The following ATRN variants were observed in gnomAD, a reference collection of about 807,000 sequenced individuals.
ATRN encodes the protein attractin, also known as attractin-2.
In ATRN, 54 loss-of-function variants were observed where a neutral mutation model predicts 178.7. That is an observed-to-expected ratio of 0.30 (90% CI 0.24 to 0.38). The LOEUF (loss-of-function observed/expected upper bound fraction) is 0.38. Ranked by LOEUF, ATRN falls within the 10% of genes least tolerant of loss-of-function variation. The probability of loss-of-function intolerance (pLI) is 1.00; values close to 1 mark genes in which losing one functional copy is unlikely to be tolerated. For synonymous variants in ATRN, 636 were observed against 663.0 expected (o/e 0.96, Z 0.63); for missense variants, 1,443 against 1,815.1 (o/e 0.79, Z 3.73).
chr20:3,492,907 T>C (rs2084823102), intron 1 of ATRN, among the ~76,000 whole-genome samples: 1 of 147,296 alleles, frequency 6.8e-6, no homozygotes. Flanking sequence ...ATAACTAATA[T>C]ATATAAATAC....
In ATRN at chr20:3,623,224, C is replaced by A. The variant is rs182687539; in HGVS notation, c.3802-1287C>A. On this transcript the variant is annotated intron_variant, in intron 24 of 28. Transcript: ENST00000262919. ...TTATGTGAGGACCATGGCTCATATTCCGCAGCTTTCCTTCTCTCAAGGAGC... is the reference window on the plus strand; with the variant it reads ...TTATGTGAGGACCATGGCTCATATTACGCAGCTTTCCTTCTCTCAAGGAGC... Among the ~76,000 whole-genome samples the A allele has an allele frequency of 6.6e-5, 10 of 152,254 alleles. No homozygotes were observed. In the East Asian group the frequency reaches 1.9e-3, roughly 29 times the overall value.
intron 11 of ATRN, among the ~76,000 whole-genome samples, chr20:3,568,618 A>G (rs1318985579): frequency 1.3e-5 from 2 of 152,234 alleles, no homozygotes; most frequent in Admixed American, 1.3e-4. Flanking sequence ...CCTAGGGGAA[A>G]TACAGGGTTA....
At chr20:3,473,882 A>G (rs1178911199) in intron 1 of ATRN, among the ~76,000 whole-genome samples, 2 of 152,172 alleles carry the variant, frequency 1.3e-5, no homozygotes, top group Non-Finnish European at 2.9e-5. Context: ...TAGAGGTGAA[A>G]TGGACAAGTC....
In ATRN at chr20:3,485,610, G is replaced by GTTTTT. The variant is rs3084238; in HGVS notation, c.410+14118_410+14122dup. Among the ~76,000 whole-genome samples, 148 of 67,900 alleles carry GTTTTT rather than the reference G, an allele frequency of 2.2e-3. 14 individuals carry two copies. Among genetic ancestry groups the GTTTTT allele is most frequent in the African/African-American group, 2.5e-3 (46 of 18,118 alleles). The allele number at this position is 67,900 out of a possible 152,430, so 44.5% of individuals were successfully genotyped here. On this transcript the variant is annotated intron_variant, in intron 1 of 28. Transcript: ENST00000262919. ...TGGTTTGCCAATACATTTTTTTGAG[G>GTTTTT]TTTTTTTTTTTTTTTTTTTTTTTTT...
intron 1 of ATRN, among the ~76,000 whole-genome samples, chr20:3,472,732 G>A (rs1480876333): frequency 6.6e-6 from 1 of 152,230 alleles, no homozygotes; most frequent in African/African-American, 2.4e-5. Context: ...TGGCTAGCTG[G>A]AGGGATGCAA....
At position 3,632,191 on chromosome 20, in the gene ATRN, G is replaced by A. The variant is rs1213056753; in HGVS notation, c.3864-2120G>A. On this transcript the variant is annotated intron_variant, in intron 25 of 28. Coordinates refer to ENST00000262919, the MANE Select transcript of ATRN (RefSeq NM_139321.3). This position sits in a 1 kb window ranked among gnomAD's most constrained non-coding sequence, Gnocchi z 4.2. Reference sequence around the variant, plus strand: ...TCTACTGATATGTCCAGATTCCAAAGTGCTTTTCACACCTCTGCTTCCACA... The same window carrying A: ...TCTACTGATATGTCCAGATTCCAAAATGCTTTTCACACCTCTGCTTCCACA... Among the ~76,000 whole-genome samples the A allele has an allele frequency of 6.6e-6, 1 of 152,126 alleles. No homozygotes were observed. The highest frequency in any genetic ancestry group is 2.4e-5 in the African/African-American group (1 of 41,420).
chr20:3,564,043 C>T (rs1461567050), intron 10 of ATRN, among the ~76,000 whole-genome samples: 2 of 152,164 alleles, frequency 1.3e-5, no homozygotes, highest in East Asian at 3.8e-4. Context: ...ATTTCTTCCT[C>T]CCCACAATGC....
intron 15 of ATRN, 146 bp downstream of exon 15, chr20:3,578,918 T>TG: frequency 1.5e-6 from 1 of 670,494 alleles, no homozygotes; most frequent in South Asian, 2.5e-5. Context: ...TGAGGGACTG[T>TG]GGGTTTGTGC....
intron 18 of ATRN, 36 bp downstream of exon 18, chr20:3,584,916 A>G (rs369783061): frequency 5.3e-5 from 83 of 1,575,838 alleles, no homozygotes; most frequent in Non-Finnish European, 5.9e-5. Context: ...CAAGTGTTTC[A>G]CTACTGATTT....
At position 3,560,830 on chromosome 20, in the gene ATRN, C is replaced by G; in HGVS notation, c.1372C>G (p.Arg458Gly). The G allele has an allele frequency of 6.2e-7, 1 of 1,614,000 alleles. No individual in the cohort carries two copies. Among genetic ancestry groups the G allele is most frequent in the Non-Finnish European group, 8.5e-7 (1 of 1,180,000 alleles). The change falls in exon 8 of 29, where the codon CGA becomes GGA. Residue 458 changes from arginine to glycine, a missense_variant. Arg to Gly is a moderately radical substitution (Grantham distance 125). Around this residue, in one of 4 missense-constraint regions of ATRN, gnomAD observed 862 missense variants for 972.1 expected, o/e 0.89. Transcript: ENST00000262919. ...ACACATTGTTACACTGAAGAATGGC[C>G]GAGTGGTCATGCTGGTCATCTTTGG... The part of the protein sequence containing the change: ...SAHIVTLKNG[R>G]VVMLVIFGHC...
At chr20:3,589,000 T>TTTA (rs71195845) in intron 18 of ATRN, among the ~76,000 whole-genome samples, 1 of 138,002 alleles carries the variant, frequency 7.2e-6, no homozygotes, top group African/African-American at 2.9e-5. Flanking sequence ...TTTTTTTTTT[T>TTTA]GAGACAGAGT....
chr20:3,604,590 A>G (rs1011530673), intron 24 of ATRN, among the ~76,000 whole-genome samples: 8 of 152,262 alleles, frequency 5.3e-5, no homozygotes, highest in Admixed American at 5.2e-4. Context: ...CTTCAATTCT[A>G]GAGTAAGGTG....
In ATRN at chr20:3,583,952, G is replaced by A. The variant is rs1600130108; in HGVS notation, c.2819G>A (p.Gly940Glu). The A allele has an allele frequency of 6.2e-7, 1 of 1,614,234 alleles. No homozygotes were observed. The change falls in exon 17 of 29, where the codon GGA (glycine) becomes GAA (glutamate). Residue 940 changes from glycine (G) to glutamate (E), a missense_variant. Physicochemically the swap from Gly to Glu is moderately conservative, Grantham distance 98. Around this residue, in one of 4 missense-constraint regions of ATRN, gnomAD observed 212 missense variants for 330.7 expected, o/e 0.64. Coordinates refer to ENST00000262919, the MANE Select transcript of ATRN (RefSeq NM_139321.3). ...RTPCALRTACGDCTSGSSECM... is the reference protein window; with the variant it reads ...RTPCALRTACEDCTSGSSECM... ...CCATGTGCCTTGAGGACAGCATGTG[G>A]AGATTGCACCAGCGGCAGCTCTGAG... is the stretch of plus-strand genomic sequence containing the variant.
chr20:3,618,013 G>A (rs1015878097), intron 24 of ATRN, among the ~76,000 whole-genome samples: 1 of 152,170 alleles, frequency 6.6e-6, no homozygotes, highest in Non-Finnish European at 1.5e-5. Flanking sequence ...AGGGTCTGAG[G>A]GCTCCTCCCT....
At chr20:3,568,151 C>T (rs1031593561) in intron 11 of ATRN, among the ~76,000 whole-genome samples, 5 of 151,530 alleles carry the variant, frequency 3.3e-5, no homozygotes, top group African/African-American at 4.9e-5. Context: ...ATTAGCTGGG[C>T]GTGGTGGCGG....
At chr20:3,550,096 G>A (rs1375252773) in intron 6 of ATRN, among the ~76,000 whole-genome samples, 1 of 152,242 alleles carries the variant, frequency 6.6e-6, no homozygotes, top group Non-Finnish European at 1.5e-5. Flanking sequence ...CAGAGGCTGA[G>A]GCTGGCGGAT....
At chr20:3,592,944 CTT>C (rs1265168712) in intron 19 of ATRN, among the ~76,000 whole-genome samples, 1 of 152,212 alleles carries the variant, frequency 6.6e-6, no homozygotes, top group Admixed American at 6.5e-5. Context: ...TTTCCCCACT[CTT>C]TGTGAATAGA....
intron 1 of ATRN, among the ~76,000 whole-genome samples, chr20:3,519,645 AATG>A (rs955197812): frequency 2.0e-5 from 3 of 152,206 alleles, no homozygotes; most frequent in Admixed American, 6.5e-5. Flanking sequence ...ACACTGCTTG[AATG>A]ATGATGGGTG....
chr20:3,550,191 G>A (rs771940843), intron 6 of ATRN, among the ~76,000 whole-genome samples: 13 of 152,188 alleles, frequency 8.5e-5, no homozygotes, highest in Admixed American at 6.5e-5. Context: ...AGCCAGGTGC[G>A]GTGGCCGGCA....
Sources: allele counts gnomAD v4.1 joint callset (sites outside exome capture counted in the v4.1 genomes callset), GRCh38; gene constraint gnomAD v4.1.1; regional missense constraint gnomAD v4.1.1; non-coding constraint Gnocchi (gnomAD v3.1); transcripts MANE v1.5; gene names NCBI Gene and HGNC (gene_info 2026-07-23, HGNC 2026-07-21).